The following BMP2K variants were observed in gnomAD, a reference collection of about 807,000 sequenced individuals.
BMP2K encodes the protein BMP-2-inducible protein kinase.
A neutral mutation model predicts 116.0 loss-of-function variants in BMP2K; 74 were observed. The observed-to-expected ratio is 0.64, with a 90% confidence interval of 0.53 to 0.77. The LOEUF is 0.77. Ranked by LOEUF, BMP2K falls within the 30% of genes least tolerant of loss-of-function variation. The pLI, the probability that BMP2K is intolerant of heterozygous loss-of-function variation, is 0.00. For missense variants in BMP2K, 1,365 were observed against 1,403.6 expected, an observed-to-expected ratio of 0.97 and a Z score of 0.44; for synonymous variants, 486 against 502.5, an observed-to-expected ratio of 0.97 and a Z score of 0.44.
At chr4:78,821,693 AAC>A (rs1354647022) in intron 1 of BMP2K, among the ~76,000 whole-genome samples, 1 of 152,162 alleles carries the variant, frequency 6.6e-6, no homozygotes, top group African/African-American at 2.4e-5. Flanking sequence ...TTTGCCAGTG[AAC>A]TACTTAGCTC....
intron 10 of BMP2K, among the ~76,000 whole-genome samples, chr4:78,867,010 C>A (rs1732085315): frequency 6.6e-6 from 1 of 151,776 alleles, no homozygotes; most frequent in Non-Finnish European, 1.5e-5. Flanking sequence ...GCCAGGAGTT[C>A]AAGACCAGCC....
intron 14 of BMP2K, among the ~76,000 whole-genome samples, chr4:78,882,667 A>T (rs917219886): frequency 6.6e-6 from 1 of 151,946 alleles, no homozygotes; most frequent in Admixed American, 6.6e-5. Context: ...CTCGTTAATT[A>T]AAACTATTAC....
chr4:78,813,202 G>A lies in BMP2K; in HGVS notation c.179-12835G>A, dbSNP rs147580878. ...TTAAACTGTTTTTCTCTCATATCCA[G>A]TCATTCAGGAAATCGTATCAGGTCT... On this transcript the variant is annotated intron_variant, in intron 1 of 15. Coordinates refer to ENST00000502613, the MANE Select transcript of BMP2K (RefSeq NM_198892.2). Among the ~76,000 whole-genome samples, 682 of 152,264 alleles carry A rather than the reference G, an allele frequency of 4.5e-3. 2 individuals carry two copies. The highest frequency in any genetic ancestry group is 0.016 in the African/African-American group (646 of 41,542).
chr4:78,805,874 G>A (rs1204377911), intron 1 of BMP2K, among the ~76,000 whole-genome samples: 1 of 152,166 alleles, frequency 6.6e-6, no homozygotes, highest in East Asian at 1.9e-4. Flanking sequence ...GGGAGGCTGA[G>A]ACAGGAGAAT....
chr4:78,842,059 G>A (rs1359229661), intron 3 of BMP2K, among the ~76,000 whole-genome samples: 1 of 151,972 alleles, frequency 6.6e-6, no homozygotes, highest in Non-Finnish European at 1.5e-5. Context: ...GTTCACCACT[G>A]TTTAGCCCAT....
At chr4:78,833,499 C>A in intron 2 of BMP2K, 83 bp from the exon 3 acceptor site, 1 of 895,666 alleles carries the variant, frequency 1.1e-6, no homozygotes, top group Non-Finnish European at 1.7e-6. Flanking sequence ...AAATTCTTTA[C>A]ATTAATTTAG....
intron 3 of BMP2K, among the ~76,000 whole-genome samples, chr4:78,839,505 A>C (rs1730651760): frequency 6.6e-5 from 10 of 152,186 alleles, no homozygotes; most frequent in Admixed American, 4.6e-4. Context: ...TGCATGTAAA[A>C]AGTGAAGTTT....
chr4:78,899,358 G>A (rs903413678), intron 15 of BMP2K, among the ~76,000 whole-genome samples: 1 of 152,154 alleles, frequency 6.6e-6, no homozygotes. Context: ...TATAGGGTAG[G>A]TCAAGAAAAG....
intron 10 of BMP2K, among the ~76,000 whole-genome samples, chr4:78,865,971 C>T (rs1191356044): frequency 1.3e-5 from 2 of 152,132 alleles, no homozygotes; most frequent in Non-Finnish European, 2.9e-5. Context: ...ACTATAAATA[C>T]AAACTCTTAT....
At chr4:78,829,850 CTTTTT>C (rs560973382) in intron 2 of BMP2K, among the ~76,000 whole-genome samples, 1 of 140,928 alleles carries the variant, frequency 7.1e-6, no homozygotes, top group Admixed American at 7.2e-5. Context: ...CTCTTCTCTT[CTTTTT>C]TTCTTTTCTT....
At chr4:78,867,350 G>T (rs1447847775) in intron 10 of BMP2K, among the ~76,000 whole-genome samples, 1 of 152,064 alleles carries the variant, frequency 6.6e-6, no homozygotes, top group African/African-American at 2.4e-5. Flanking sequence ...TGATTTTGGA[G>T]TGGTCTTATT....
intron 2 of BMP2K, among the ~76,000 whole-genome samples, chr4:78,832,829 A>C (rs1032571269): frequency 2.0e-5 from 3 of 152,036 alleles, no homozygotes; most frequent in African/African-American, 7.2e-5. Context: ...AATAATTCCC[A>C]TGTTCAGTGG....
At chr4:78,837,676 T>C (rs1730554928) in intron 3 of BMP2K, among the ~76,000 whole-genome samples, 1 of 152,178 alleles carries the variant, frequency 6.6e-6, no homozygotes, top group Non-Finnish European at 1.5e-5. Context: ...TTCTTTGTTT[T>C]TGAGACAAGG....
chr4:78,852,924 T>A (rs1399400287), intron 7 of BMP2K, among the ~76,000 whole-genome samples: 1 of 152,180 alleles, frequency 6.6e-6, no homozygotes, highest in Non-Finnish European at 1.5e-5. Context: ...TTCTTTATAT[T>A]TTTCAAATGT....
chr4:78,784,777 A>C (rs1224744131), intron 1 of BMP2K, among the ~76,000 whole-genome samples: 1 of 152,224 alleles, frequency 6.6e-6, no homozygotes, highest in Non-Finnish European at 1.5e-5. Flanking sequence ...TATCGGGGAA[A>C]AATACCAGCT....
intron 3 of BMP2K, among the ~76,000 whole-genome samples, chr4:78,841,183 GTAA>G (rs1730741927): frequency 6.6e-6 from 1 of 152,120 alleles, no homozygotes; most frequent in African/African-American, 2.4e-5. Context: ...TGCTTAGACA[GTAA>G]TAATAAAAGG....
Position 78,872,775 on chromosome 4 carries a change from G to A in BMP2K, c.1770G>A (p.Met590Ile), listed in dbSNP as rs755621675. 6.2e-7 allele frequency: 1 copy of A among 1,613,866 alleles called. No homozygotes were observed. Among genetic ancestry groups the A allele is most frequent in the Admixed American group, 1.7e-5 (1 of 60,000 alleles). ...TTCCAGCTCAGGTTGGAACCATAAT[G>A]GACTCCTCCTATAGTGCCAATAGGC... ...SSLPAQVGTI[M>I]DSSYSANRSV... The change falls in exon 13 of 16, where the codon ATG (methionine) becomes ATA (isoleucine). Residue 590 changes from methionine (M) to isoleucine (I), a missense_variant. Around this residue, in one of 3 missense-constraint regions of BMP2K, gnomAD observed 762 missense variants for 756.7 expected, o/e 1.01. Transcript: ENST00000502613.
chr4:78,784,135 T>G (rs1296500548), intron 1 of BMP2K, among the ~76,000 whole-genome samples: 2 of 152,192 alleles, frequency 1.3e-5, no homozygotes, highest in African/African-American at 4.8e-5. Flanking sequence ...TCTGATCTTG[T>G]ATATTATCTT....
At chr4:78,808,635 G>T (rs1267689118) in intron 1 of BMP2K, among the ~76,000 whole-genome samples, 1 of 152,044 alleles carries the variant, frequency 6.6e-6, no homozygotes, top group Non-Finnish European at 1.5e-5. Context: ...ACTGCATTTT[G>T]TTAAGTTTTG....
Sources: gnomAD v4.1 joint callset for allele counts (sites outside exome capture counted in the v4.1 genomes callset) on GRCh38, gnomAD v4.1.1 for gene constraint, gnomAD v4.1.1 regional missense constraint, MANE v1.5 for transcripts, NCBI Gene and HGNC (gene_info 2026-07-23, HGNC 2026-07-21) for gene names.